Variants in EPHB1 observed in about 807,000 individuals in gnomAD.
EPHB1 encodes ephrin type-B receptor 1.
A neutral mutation model predicts 94.4 loss-of-function variants in EPHB1; 30 were observed. The ratio of observed to expected loss-of-function variants is 0.32; its 90% CI spans 0.24 to 0.43. EPHB1 has a LOEUF of 0.43. Among genes scored for constraint, EPHB1 ranks in the 20% least tolerant of loss-of-function variants. EPHB1 has a pLI of 1.00. For synonymous variants in EPHB1, 522 were observed against 489.1 expected (o/e 1.07, Z -0.89); for missense variants, 1,055 against 1,308.3 (o/e 0.81, Z 2.99).
intron 3 of EPHB1, among the ~76,000 whole-genome samples, chr3:134,999,956 T>TATCTTATGTACA (rs1275296415): frequency 6.6e-6 from 1 of 152,208 alleles, no homozygotes; most frequent in Admixed American, 6.5e-5. Context: ...TCCAAAGATG[T>TATCTTATGTACA]TAAGTACATA....
At chr3:134,992,378 T>C (rs528143898) in intron 3 of EPHB1, among the ~76,000 whole-genome samples, 66 of 152,274 alleles carry the variant, frequency 4.3e-4, no homozygotes, top group Admixed American at 9.8e-4. Context: ...CAGCTCTCTG[T>C]GCGCAAAGGA....
At chr3:135,176,697 T>C (rs1055222917) in intron 9 of EPHB1, among the ~76,000 whole-genome samples, 4 of 152,218 alleles carry the variant, frequency 2.6e-5, no homozygotes, top group Non-Finnish European at 2.9e-5. Context: ...ATAAGCCCTT[T>C]CCCTTCTGGG....
intron 3 of EPHB1, among the ~76,000 whole-genome samples, chr3:135,000,735 A>G (rs770337785): frequency 3.9e-5 from 6 of 152,136 alleles, no homozygotes; most frequent in Non-Finnish European, 8.8e-5. Context: ...ATGCACATCA[A>G]TTACACACAT....
chr3:135,110,854 C>T (rs1465426416), intron 4 of EPHB1, among the ~76,000 whole-genome samples: 5 of 152,064 alleles, frequency 3.3e-5, no homozygotes, highest in Non-Finnish European at 5.9e-5. Context: ...ATCCCAGGCA[C>T]GACAGGGCAG....
chr3:134,865,534 T>G (rs542901255), intron 1 of EPHB1, among the ~76,000 whole-genome samples: 24 of 152,226 alleles, frequency 1.6e-4, no homozygotes, highest in African/African-American at 5.5e-4. Flanking sequence ...ATATTCAAGA[T>G]AATTCTTTGC....
At chr3:134,910,043 G>A (rs990488611) in intron 1 of EPHB1, among the ~76,000 whole-genome samples, 1 of 152,136 alleles carries the variant, frequency 6.6e-6, no homozygotes, top group Non-Finnish European at 1.5e-5. Context: ...TAATATGTAG[G>A]GCCTCTCTTC....
intron 1 of EPHB1, among the ~76,000 whole-genome samples, chr3:134,866,359 A>C (rs1039126915): frequency 6.6e-6 from 1 of 152,228 alleles, no homozygotes; most frequent in African/African-American, 2.4e-5. Context: ...CTCGGCTGGA[A>C]CTGGTGTGGC....
At chr3:135,130,415 A>T (rs979348031) in intron 4 of EPHB1, among the ~76,000 whole-genome samples, 1 of 152,224 alleles carries the variant, frequency 6.6e-6, no homozygotes, top group Non-Finnish European at 1.5e-5. Flanking sequence ...GTGGGGAAGT[A>T]ATCAGACTTC....
chr3:134,828,269 CTG>C (rs908169303), intron 1 of EPHB1, among the ~76,000 whole-genome samples: 5 of 152,172 alleles, frequency 3.3e-5, no homozygotes, highest in Non-Finnish European at 5.9e-5. Flanking sequence ...AAAACCAACA[CTG>C]TGTGAGTAGG....
At chr3:134,887,247 A>G (rs556084834) in intron 1 of EPHB1, among the ~76,000 whole-genome samples, 1 of 152,306 alleles carries the variant, frequency 6.6e-6, no homozygotes, top group East Asian at 1.9e-4. Flanking sequence ...TCATGTGATC[A>G]TCATCTTCTA....
chr3:135,224,387 C>G (rs1402056698), intron 12 of EPHB1, among the ~76,000 whole-genome samples: 2 of 152,182 alleles, frequency 1.3e-5, no homozygotes, highest in Non-Finnish European at 2.9e-5. Context: ...GATTCAGATT[C>G]TACATTCTTG....
intron 3 of EPHB1, among the ~76,000 whole-genome samples, chr3:135,089,699 C>T (rs1473676353): frequency 6.6e-6 from 1 of 152,190 alleles, no homozygotes; most frequent in Non-Finnish European, 1.5e-5. Flanking sequence ...GTCGTGTTCA[C>T]CTGTCCAGCT....
intron 12 of EPHB1, among the ~76,000 whole-genome samples, chr3:135,220,776 A>G (rs1015275809): frequency 3.3e-5 from 5 of 152,154 alleles, no homozygotes; most frequent in African/African-American, 1.2e-4. Flanking sequence ...TGTTATCTAT[A>G]AAATGCGAAT....
intron 3 of EPHB1, 77 bp from the exon 4 acceptor site, chr3:135,106,371 C>A (rs1939219306): frequency 6.5e-7 from 1 of 1,541,240 alleles, no homozygotes; most frequent in Non-Finnish European, 8.9e-7. Flanking sequence ...GAGGAAGACA[C>A]TCCTTTTCCG....
At chr3:135,187,187 T>A (rs1282789831) in intron 10 of EPHB1, among the ~76,000 whole-genome samples, 1 of 152,198 alleles carries the variant, frequency 6.6e-6, no homozygotes, top group Non-Finnish European at 1.5e-5. Context: ...CAAAGATGTG[T>A]GCCAATCAAA....
chr3:135,014,545 T>C (rs1006450974), intron 3 of EPHB1, among the ~76,000 whole-genome samples: 3 of 152,212 alleles, frequency 2.0e-5, no homozygotes, highest in Admixed American at 6.5e-5. Context: ...AGTGGACTGA[T>C]AAATGTTTAA....
At chr3:135,069,045 T>C (rs565138186) in intron 3 of EPHB1, among the ~76,000 whole-genome samples, 2 of 147,132 alleles carry the variant, frequency 1.4e-5, no homozygotes, top group South Asian at 4.5e-4. Context: ...CAGCCAAAAG[T>C]TTTTAATTTT....
chr3:134,897,482 C>T (rs2107688176), intron 1 of EPHB1, among the ~76,000 whole-genome samples: 1 of 152,320 alleles, frequency 6.6e-6, no homozygotes, highest in African/African-American at 2.4e-5. Flanking sequence ...CCTCACATCA[C>T]AGGTGTGTTC....
intron 1 of EPHB1, among the ~76,000 whole-genome samples, chr3:134,882,978 A>G (rs1029104231): frequency 2.4e-4 from 36 of 152,022 alleles, no homozygotes; most frequent in African/African-American, 8.4e-4. Context: ...GCGTGCCACC[A>G]TGTCTGGCTA....
Sources: allele counts gnomAD v4.1 joint callset (sites outside exome capture counted in the v4.1 genomes callset), GRCh38; gene constraint gnomAD v4.1.1; transcripts MANE v1.5; gene names NCBI Gene and HGNC (gene_info 2026-07-23, HGNC 2026-07-21).